The following UMAD1 variants were observed in gnomAD, a reference collection of about 807,000 sequenced individuals.
The protein encoded by UMAD1 is UBAP1-MVB12-associated (UMA) domain containing 1, also known as UBAP1-MVB12-associated (UMA)-domain containing protein 1.
Under a neutral mutation model 6.1 loss-of-function variants are expected in UMAD1, and 8 were observed. That is an observed-to-expected ratio of 1.30 (90% CI 0.76 to 2.35). The LOEUF (loss-of-function observed/expected upper bound fraction) is 2.35, where lower values mean the gene tolerates loss of function less well. Among genes scored for constraint, UMAD1 ranks in the 30% most tolerant of loss-of-function variants. The probability of loss-of-function intolerance (pLI) is 0.00; values close to 1 mark genes in which losing one functional copy is unlikely to be tolerated. For synonymous variants in UMAD1, 56 were observed against 31.4 expected, an observed-to-expected ratio of 1.78 and a Z score of -2.61; for missense variants, 130 against 78.4, an observed-to-expected ratio of 1.66 and a Z score of -2.49.
At chr7:7,809,645 A>G (rs2115282386) in intron 3 of UMAD1, among the ~76,000 whole-genome samples, 1 of 151,912 alleles carries the variant, frequency 6.6e-6, no homozygotes, top group East Asian at 1.9e-4. Context: ...ACTAAAGCTT[A>G]TTCTTCCTGT....
rs142414758 is a variant in UMAD1, at chr7:7,782,293, G to A, written c.83-19377G>A. On this transcript the variant is annotated intron_variant, in intron 2 of 3. Transcript: ENST00000682710. The stretch of plus-strand genomic sequence containing the variant: ...TTTTCCTCTCGGATTTTTTTCTCAC[G>A]TATTCTCATATACTTTTCTGTTCTT... Among the ~76,000 whole-genome samples, 251 of 151,804 alleles carry A rather than the reference G, an allele frequency of 1.7e-3. 3 individuals are homozygous for A. The highest frequency in any genetic ancestry group is 5.7e-3 in the African/African-American group (235 of 41,404).
chr7:7,704,801 T>C (rs2115160572), intron 2 of UMAD1, among the ~76,000 whole-genome samples: 1 of 146,294 alleles, frequency 6.8e-6, no homozygotes, highest in African/African-American at 2.5e-5. Context: ...AAAGACTTGC[T>C]TCTGTACTTA....
At chr7:7,725,097 C>T (rs975234875) in intron 2 of UMAD1, among the ~76,000 whole-genome samples, 1 of 152,184 alleles carries the variant, frequency 6.6e-6, no homozygotes, top group Non-Finnish European at 1.5e-5. Context: ...AATTTCTAGG[C>T]GTCCAGTGGT....
chr7:7,649,520 C>T (rs9791506), intron 1 of UMAD1, among the ~76,000 whole-genome samples: 101,009 of 151,822 alleles, frequency 0.67, 34,070 homozygotes, highest in East Asian at 0.88. Context: ...ATTCAAACCA[C>T]AGCAGGATTA....
At chr7:7,865,401 A>G (rs1355305825) in intron 3 of UMAD1, among the ~76,000 whole-genome samples, 1 of 152,202 alleles carries the variant, frequency 6.6e-6, no homozygotes, top group Non-Finnish European at 1.5e-5. Flanking sequence ...GTTTAGTGTC[A>G]TAAGTGTTGT....
At chr7:7,813,111 C>A (rs1583844149) in intron 3 of UMAD1, among the ~76,000 whole-genome samples, 1 of 152,144 alleles carries the variant, frequency 6.6e-6, no homozygotes, top group African/African-American at 2.4e-5. Context: ...AGCATGAATA[C>A]ATAGAAAAAA....
At position 7,852,262 on chromosome 7, in the gene UMAD1, A is replaced by G. The variant is rs140334210; in HGVS notation, c.157-25019A>G. Among the ~76,000 whole-genome samples, 365 of 152,334 alleles carry G rather than the reference A, an allele frequency of 2.4e-3. 1 individual carries two copies. The highest frequency in any genetic ancestry group is 8.5e-3 in the African/African-American group (353 of 41,574). On this transcript the variant is annotated intron_variant, in intron 3 of 3. Transcript: ENST00000682710. ...TCTCACATCAACATAACAGCAGCCA[A>G]CACAGAAGATTTCTGTGACCTCAAA...
chr7:7,709,781 GTT>G (rs563873791), intron 2 of UMAD1, among the ~76,000 whole-genome samples: 21 of 148,628 alleles, frequency 1.4e-4, no homozygotes, highest in Middle Eastern at 3.5e-3. Flanking sequence ...ACCTTTTAAA[GTT>G]TTTTTTTTTA....
At chr7:7,864,051 G>A (rs11770981) in intron 3 of UMAD1, among the ~76,000 whole-genome samples, 37,059 of 152,198 alleles carry the variant, frequency 0.24, 5,507 homozygotes, top group Non-Finnish European at 0.33. Context: ...GAGTAATAGG[G>A]GTGAGAGGAG....
At chr7:7,831,730 G>A (rs565358770) in intron 3 of UMAD1, among the ~76,000 whole-genome samples, 27 of 152,186 alleles carry the variant, frequency 1.8e-4, no homozygotes, top group Non-Finnish European at 3.1e-4. Flanking sequence ...TTCATACCTC[G>A]TGGGAGTATT....
chr7:7,785,078 G>C lies in UMAD1; in HGVS notation c.83-16592G>C, dbSNP rs1782436259. Reference sequence around the variant, plus strand: ...GTATGGTCATTTCCAAGTGTCTAAAGAATCTGGTATCAGTCCTTCAGATTT... The same window carrying C: ...GTATGGTCATTTCCAAGTGTCTAAACAATCTGGTATCAGTCCTTCAGATTT... On this transcript the variant is annotated intron_variant, in intron 2 of 3. Coordinates refer to ENST00000682710, the MANE Select transcript of UMAD1 (RefSeq NM_001302348.2). 3.3e-5 allele frequency among the ~76,000 whole-genome samples: 5 copies of C among 152,248 alleles called. No homozygotes were observed. In the South Asian group the frequency reaches 1.0e-3, roughly 32 times the overall value.
Position 7,830,326 on chromosome 7 carries a change from C to T in UMAD1, c.156+28583C>T, listed in dbSNP as rs1162088667. On this transcript the variant is annotated intron_variant, in intron 3 of 3. Transcript: ENST00000682710. The surrounding 1 kb of genome is among the most constrained non-coding windows in gnomAD (Gnocchi z 5.3). The stretch of plus-strand genomic sequence containing the variant: ...GTAGCAGCTGCTCTGGAGGTTAGCC[C>T]TGCCCTTCATTTCCAGCCTAGAATG... 6.6e-6 allele frequency among the ~76,000 whole-genome samples: 1 copy of T among 152,098 alleles called. No homozygotes were observed. The highest frequency in any genetic ancestry group is 1.5e-5 in the Non-Finnish European group (1 of 68,022).
chr7:7,841,710 T>A (rs1783685364), intron 3 of UMAD1, among the ~76,000 whole-genome samples: 1 of 152,124 alleles, frequency 6.6e-6, no homozygotes, highest in African/African-American at 2.4e-5. Flanking sequence ...AAAGACAATA[T>A]CAAAGAAAGA....
chr7:7,844,082 G>T (rs915248664), intron 3 of UMAD1, among the ~76,000 whole-genome samples: 1 of 152,158 alleles, frequency 6.6e-6, no homozygotes, highest in Non-Finnish European at 1.5e-5. Flanking sequence ...ATTCATAGCC[G>T]CCTTCTACCT....
chr7:7,846,073 A>T (rs953253041), intron 3 of UMAD1, among the ~76,000 whole-genome samples: 1 of 152,162 alleles, frequency 6.6e-6, no homozygotes, highest in Non-Finnish European at 1.5e-5. Context: ...TCTTAAGAAC[A>T]GTGTCGAGTA....
intron 1 of UMAD1, among the ~76,000 whole-genome samples, chr7:7,660,682 A>G (rs1785452535): frequency 6.6e-6 from 1 of 152,164 alleles, no homozygotes; most frequent in African/African-American, 2.4e-5. Context: ...TGTTAGTCTG[A>G]TGGACTTCCC....
chr7:7,767,420 C>T (rs955707003), intron 2 of UMAD1, among the ~76,000 whole-genome samples: 1 of 152,200 alleles, frequency 6.6e-6, no homozygotes, highest in African/African-American at 2.4e-5. Context: ...CCACCGCGCC[C>T]AGCCAGAAAT....
intron 2 of UMAD1, among the ~76,000 whole-genome samples, chr7:7,678,061 C>T (rs1456617817): frequency 1.3e-5 from 2 of 152,084 alleles, no homozygotes; most frequent in South Asian, 2.1e-4. Flanking sequence ...GGAATGTGGA[C>T]GTCTCTTTGA....
intron 2 of UMAD1, among the ~76,000 whole-genome samples, chr7:7,776,149 T>C (rs1782202809): frequency 6.6e-6 from 1 of 151,734 alleles, no homozygotes; most frequent in African/African-American, 2.4e-5. Flanking sequence ...TAAACCTGAC[T>C]TAAAAAACAA....
Sources: gnomAD v4.1 joint callset for allele counts (sites outside exome capture counted in the v4.1 genomes callset) on GRCh38, gnomAD v4.1.1 for gene constraint, Gnocchi (gnomAD v3.1) non-coding constraint, MANE v1.5 for transcripts, NCBI Gene and HGNC (gene_info 2026-07-23, HGNC 2026-07-21) for gene names.